Variants in COL24A1 observed in about 807,000 individuals in gnomAD.
COL24A1 encodes the protein collagen type XXIV alpha 1 chain, also known as collagen alpha-1(XXIV) chain.
COL24A1 carries 224 observed loss-of-function variants against 253.9 expected under a neutral mutation model. The ratio of observed to expected loss-of-function variants is 0.88; its 90% CI spans 0.79 to 0.99. The LOEUF (loss-of-function observed/expected upper bound fraction) is 0.99. COL24A1 is among the 50% of genes least tolerant of loss of function. The pLI, the probability that COL24A1 is intolerant of heterozygous loss-of-function variation, is 0.00. For synonymous variants in COL24A1, 685 were observed against 673.7 expected, an observed-to-expected ratio of 1.02 and a Z score of -0.26; for missense variants, 2,131 against 2,068.5, an observed-to-expected ratio of 1.03 and a Z score of -0.59.
At chr1:86,061,133 C>T (rs1701057953) in intron 8 of COL24A1, among the ~76,000 whole-genome samples, 1 of 151,850 alleles carries the variant, frequency 6.6e-6, no homozygotes, top group African/African-American at 2.4e-5. Flanking sequence ...AGTCTAATTC[C>T]AGAGACCACC....
intron 37 of COL24A1, among the ~76,000 whole-genome samples, chr1:85,854,156 G>A (rs138534657): frequency 2.6e-5 from 4 of 152,188 alleles, no homozygotes; most frequent in East Asian, 3.9e-4. Flanking sequence ...TAAAAGGTAG[G>A]GGTCCAGCTT....
chr1:85,778,509 T>C (rs1232210850), intron 52 of COL24A1, among the ~76,000 whole-genome samples: 1 of 151,462 alleles, frequency 6.6e-6, no homozygotes, highest in Non-Finnish European at 1.5e-5. Context: ...CCATACAAAA[T>C]GAAAAAAAAA....
chr1:85,829,710 C>A (rs577403505), intron 43 of COL24A1, among the ~76,000 whole-genome samples: 1 of 152,054 alleles, frequency 6.6e-6, no homozygotes, highest in African/African-American at 2.4e-5. Context: ...TCCAGTTGAT[C>A]GCATGGCCTC....
At chr1:86,020,061 C>CTTTTTTTTTTTTTTTTTTTTTTTTT (rs10582249) in intron 18 of COL24A1, among the ~76,000 whole-genome samples, 1 of 102,594 alleles carries the variant, frequency 9.7e-6, no homozygotes, top group Non-Finnish European at 2.0e-5. Context: ...TTCATTCTTT[C>CTTTTTTTTTTTTTTTTTTTTTTTTT]TTTTTTTTTT....
At chr1:85,816,700 G>A (rs889373329) in intron 47 of COL24A1, 88 bp downstream of exon 47, 2 of 1,133,768 alleles carry the variant, frequency 1.8e-6, no homozygotes, top group Non-Finnish European at 2.7e-6. Flanking sequence ...CAATGCCAAA[G>A]CTAAAATAGA....
At chr1:85,873,251 T>C (rs1300879644) in intron 35 of COL24A1, among the ~76,000 whole-genome samples, 2 of 152,170 alleles carry the variant, frequency 1.3e-5, no homozygotes, top group African/African-American at 4.8e-5. Context: ...GACTGTAAAC[T>C]AGTTCAACCA....
Position 85,773,088 on chromosome 1 carries a change from G to C in COL24A1, c.4374+2586C>G, listed in dbSNP as rs895399506. On this transcript the variant is annotated intron_variant, in intron 53 of 59. Transcript: ENST00000370571. ...GGTCCAGTTTCAGTTTTCTGCATATGGCAAGCCAGTTTTCCCAGCACCATT... is the reference window on the plus strand; with the variant it reads ...GGTCCAGTTTCAGTTTTCTGCATATCGCAAGCCAGTTTTCCCAGCACCATT... Among the ~76,000 whole-genome samples the C allele has an allele frequency of 5.9e-5, 9 of 152,222 alleles. No homozygotes were observed. In the East Asian group the frequency reaches 1.7e-3, roughly 29 times the overall value.
Position 85,896,018 on chromosome 1 carries a change from T to TA in COL24A1, c.2877+2dup. The TA allele has an allele frequency of 6.2e-7, 1 of 1,608,498 alleles. No homozygotes were observed. The highest frequency in any genetic ancestry group is 8.5e-7 in the Non-Finnish European group (1 of 1,178,564). ...CTTTAATGTGAAATGTTTTATTACTTACAATAAGACCATGAGGCCCTCTTT... is the reference window on the plus strand; with the variant it reads ...CTTTAATGTGAAATGTTTTATTACTTAACAATAAGACCATGAGGCCCTCTTT... On this transcript the variant is annotated splice_region_variant and intron_variant, in intron 30 of 59. Transcript: ENST00000370571.
At chr1:85,991,049 T>C (rs1694211128) in intron 19 of COL24A1, among the ~76,000 whole-genome samples, 1 of 152,228 alleles carries the variant, frequency 6.6e-6, no homozygotes, top group South Asian at 2.1e-4. Context: ...CATCAACTAT[T>C]ACTAACATCA....
At chr1:85,962,473 A>G (rs1558815229) in intron 23 of COL24A1, among the ~76,000 whole-genome samples, 1 of 152,192 alleles carries the variant, frequency 6.6e-6, no homozygotes, top group Non-Finnish European at 1.5e-5. Context: ...TAATTATGGT[A>G]TGCTGTCCCA....
chr1:86,021,182 C>G (rs987760105), intron 18 of COL24A1, among the ~76,000 whole-genome samples: 1 of 152,056 alleles, frequency 6.6e-6, no homozygotes, highest in Non-Finnish European at 1.5e-5. Flanking sequence ...AGGAACATAA[C>G]ACAATTATTT....
intron 5 of COL24A1, among the ~76,000 whole-genome samples, chr1:86,107,391 G>A (rs534928508): frequency 6.6e-6 from 1 of 152,246 alleles, no homozygotes; most frequent in Non-Finnish European, 1.5e-5. Flanking sequence ...ACAGTATAAA[G>A]CTTGAATGTT....
At chr1:86,117,111 A>G (rs1045576793) in intron 3 of COL24A1, among the ~76,000 whole-genome samples, 1 of 152,210 alleles carries the variant, frequency 6.6e-6, no homozygotes, top group African/African-American at 2.4e-5. Flanking sequence ...AAAAATGTCT[A>G]GTTTGGTTTA....
At position 85,734,835 on chromosome 1, in the gene COL24A1, A is replaced by G. The variant is rs763272424; in HGVS notation, c.4912T>C (p.Leu1638=). Residue 1638 remains leucine, a synonymous_variant, in exon 59 of 60, where the codon TTG becomes CTG. Coordinates refer to ENST00000370571, the MANE Select transcript of COL24A1 (RefSeq NM_152890.7). ...WTSTQTSGPG[L]PIGFKGWNGQ... is the part of the protein sequence containing the mutation. Reference sequence around the variant, plus strand: ...TTCCATCCCTTGAAACCAATAGGCAATCCTGGGCCACTTGTTTGTGTGCTT... The same window carrying G: ...TTCCATCCCTTGAAACCAATAGGCAGTCCTGGGCCACTTGTTTGTGTGCTT... 1.9e-6 allele frequency: 3 copies of G among 1,614,188 alleles called. No individual in the cohort carries two copies. Among genetic ancestry groups the G allele is most frequent in the South Asian group, 2.2e-5 (2 of 91,086 alleles).
intron 24 of COL24A1, among the ~76,000 whole-genome samples, chr1:85,914,595 T>G (rs1685710612): frequency 6.6e-6 from 1 of 152,152 alleles, no homozygotes; most frequent in South Asian, 2.1e-4. Context: ...TTCACCATTT[T>G]GGACAGGCTG....
chr1:85,924,727 A>G (rs1361763087), intron 24 of COL24A1, among the ~76,000 whole-genome samples: 2 of 152,180 alleles, frequency 1.3e-5, no homozygotes, highest in Non-Finnish European at 2.9e-5. Flanking sequence ...CTGAATGGGC[A>G]AAAAACTGGA....
chr1:85,822,494 T>C (rs1387070408), intron 45 of COL24A1, among the ~76,000 whole-genome samples: 1 of 152,224 alleles, frequency 6.6e-6, no homozygotes, highest in Non-Finnish European at 1.5e-5. Context: ...CTATTTAAAG[T>C]TGAGGCAATG....
At chr1:86,057,300 A>G (rs572773502) in intron 10 of COL24A1, among the ~76,000 whole-genome samples, 2 of 152,298 alleles carry the variant, frequency 1.3e-5, no homozygotes, top group Non-Finnish European at 2.9e-5. Context: ...ACAAGATGCA[A>G]ATGCTGGAGC....
chr1:85,909,026 A>G (rs1233761535), intron 26 of COL24A1, among the ~76,000 whole-genome samples: 1 of 151,756 alleles, frequency 6.6e-6, no homozygotes, highest in African/African-American at 2.4e-5. Flanking sequence ...ATGAAACTAT[A>G]TCCTTTTCGG....
Sources: gnomAD v4.1 joint callset for allele counts (sites outside exome capture counted in the v4.1 genomes callset) on GRCh38, gnomAD v4.1.1 for gene constraint, MANE v1.5 for transcripts, NCBI Gene and HGNC (gene_info 2026-07-23, HGNC 2026-07-21) for gene names.